COL25A1: variants seen among roughly 807,000 people sequenced by gnomAD.
The protein encoded by COL25A1 is collagen alpha-1(XXV) chain.
COL25A1 carries 103 observed loss-of-function variants against 128.4 expected under a neutral mutation model. The ratio of observed to expected loss-of-function variants is 0.80; its 90% CI spans 0.68 to 0.94. COL25A1 has a LOEUF of 0.94. COL25A1 is among the 40% of genes least tolerant of loss of function. COL25A1 has a pLI of 0.00. For missense variants in COL25A1, 745 were observed against 840.0 expected, an observed-to-expected ratio of 0.89 and a Z score of 1.40; for synonymous variants, 279 against 277.2, an observed-to-expected ratio of 1.01 and a Z score of -0.06.
In COL25A1 at chr4:109,198,294, TCACACA is replaced by T. The variant is rs112993547; in HGVS notation, c.367+102283_367+102288del. Among the ~76,000 whole-genome samples the T allele has an allele frequency of 3.0e-4, 43 of 144,048 alleles. No homozygotes were observed. The Middle Eastern group carries it at 0.01, about 35-fold the overall frequency. 94.5% of individuals were successfully genotyped at this position (144,048 alleles called of 152,430 possible). A position where few individuals can be genotyped will look rare whatever the true frequency, so the allele number is the denominator to read the frequency against. ...ACCACATCAGACTCTGCATATTCAT[TCACACA>T]CACACACACACACACACACACACAC... On this transcript the variant is annotated intron_variant, in intron 3 of 37. Coordinates refer to ENST00000399132, the MANE Select transcript of COL25A1 (RefSeq NM_198721.4).
intron 21 of COL25A1, 42 bp from the exon 22 acceptor site, chr4:108,862,587 G>T: frequency 6.6e-7 from 1 of 1,517,704 alleles, no homozygotes; most frequent in Middle Eastern, 1.7e-4. Flanking sequence ...TAAAATTATA[G>T]AAGAGATAAG....
At chr4:108,910,121 G>C (rs1301677255) in intron 13 of COL25A1, among the ~76,000 whole-genome samples, 1 of 152,072 alleles carries the variant, frequency 6.6e-6, no homozygotes, top group African/African-American at 2.4e-5. Flanking sequence ...ATGTGTCCTT[G>C]AAAATATATC....
chr4:108,907,362 C>A (rs1560840639), intron 13 of COL25A1, among the ~76,000 whole-genome samples: 1 of 152,204 alleles, frequency 6.6e-6, no homozygotes, highest in Admixed American at 6.5e-5. Flanking sequence ...TACTGCTCAT[C>A]TCTTCTGTCT....
intron 3 of COL25A1, among the ~76,000 whole-genome samples, chr4:109,200,865 T>C (rs1776506760): frequency 6.6e-6 from 1 of 152,098 alleles, no homozygotes; most frequent in Non-Finnish European, 1.5e-5. Flanking sequence ...TCCCCAATAA[T>C]CTCATTCACT....
chr4:109,181,571 T>A (rs1461556480), intron 3 of COL25A1, among the ~76,000 whole-genome samples: 1 of 152,072 alleles, frequency 6.6e-6, no homozygotes, highest in African/African-American at 2.4e-5. Flanking sequence ...GTTTTTAAAT[T>A]TTTCAAATTG....
In COL25A1 at chr4:109,032,321, A is replaced by G. The variant is rs796467705; in HGVS notation, c.420+15847T>C. ...TGACTCTTTAAAAATTCATTCTTAT[A>G]TGAATTTTTATTCAACCTACATTTA... On this transcript the variant is annotated intron_variant, in intron 5 of 37. Coordinates refer to ENST00000399132, the MANE Select transcript of COL25A1 (RefSeq NM_198721.4). Among the ~76,000 whole-genome samples, 4 of 152,294 alleles carry G rather than the reference A, an allele frequency of 2.6e-5. 1 individual carries two copies. The highest frequency in any genetic ancestry group is 9.6e-5 in the African/African-American group (4 of 41,560).
intron 6 of COL25A1, among the ~76,000 whole-genome samples, chr4:109,006,222 TG>T (rs962822538): frequency 1.1e-4 from 15 of 131,524 alleles, no homozygotes; most frequent in Non-Finnish European, 1.9e-4. Context: ...TCTAATTTTG[TG>T]GGGGGGTGGC....
chr4:108,909,510 G>A (rs1743954830), intron 13 of COL25A1, among the ~76,000 whole-genome samples: 1 of 152,158 alleles, frequency 6.6e-6, no homozygotes, highest in Non-Finnish European at 1.5e-5. Flanking sequence ...CATGTTAGTT[G>A]TATCAATAAT....
At chr4:109,072,445 T>C (rs1011433130) in intron 3 of COL25A1, among the ~76,000 whole-genome samples, 2 of 152,218 alleles carry the variant, frequency 1.3e-5, no homozygotes, top group African/African-American at 2.4e-5. Flanking sequence ...ATCTGTTATT[T>C]TGAAATTTGG....
chr4:109,070,898 G>A (rs1032516266), intron 3 of COL25A1, among the ~76,000 whole-genome samples: 2 of 152,002 alleles, frequency 1.3e-5, no homozygotes, highest in African/African-American at 4.8e-5. Flanking sequence ...GTATTCCATG[G>A]TGTATATGTG....
At chr4:108,842,731 T>C (rs573868819) in intron 30 of COL25A1, among the ~76,000 whole-genome samples, 2 of 152,220 alleles carry the variant, frequency 1.3e-5, no homozygotes, top group Non-Finnish European at 2.9e-5. Context: ...ATTAATTTTA[T>C]GATATGAACA....
chr4:108,928,385 C>G (rs950688907), intron 11 of COL25A1, among the ~76,000 whole-genome samples: 7 of 152,142 alleles, frequency 4.6e-5, no homozygotes, highest in Non-Finnish European at 8.8e-5. Context: ...ACAGAACTTT[C>G]TTTAATGACA....
chr4:109,269,032 C>T (rs1418451674), intron 3 of COL25A1, among the ~76,000 whole-genome samples: 25 of 151,142 alleles, frequency 1.7e-4, no homozygotes, highest in African/African-American at 6.1e-4. Context: ...GCTGCACCCA[C>T]TAACTCGTCA....
At chr4:109,031,550 G>C (rs779550145) in intron 5 of COL25A1, among the ~76,000 whole-genome samples, 2 of 152,202 alleles carry the variant, frequency 1.3e-5, no homozygotes, top group Non-Finnish European at 2.9e-5. Flanking sequence ...TAAGCTGAGT[G>C]CTGCTGAAAT....
intron 19 of COL25A1, among the ~76,000 whole-genome samples, chr4:108,882,582 TTG>T (rs377671759): frequency 3.3e-5 from 5 of 151,312 alleles, no homozygotes; most frequent in Non-Finnish European, 5.9e-5. Flanking sequence ...AAAGCCATCT[TTG>T]TGTGTGTGTG....
intron 3 of COL25A1, among the ~76,000 whole-genome samples, chr4:109,135,045 A>C (rs1404065447): frequency 7.4e-6 from 1 of 135,694 alleles, no homozygotes; most frequent in African/African-American, 2.9e-5. Flanking sequence ...AAAAAAAAAA[A>C]ACCAAGAGAA....
Position 108,991,757 on chromosome 4 carries a change from G to A in COL25A1, c.439-17198C>T, listed in dbSNP as rs982229170. On this transcript the variant is annotated intron_variant, in intron 6 of 37. Coordinates refer to ENST00000399132, the MANE Select transcript of COL25A1 (RefSeq NM_198721.4). Reference sequence around the variant, plus strand: ...TCCCCGCCCCCAAGTCAGGCTATATGATCTGAAAAAGGCTGGATTGGAACA... The same window carrying A: ...TCCCCGCCCCCAAGTCAGGCTATATAATCTGAAAAAGGCTGGATTGGAACA... Among the ~76,000 whole-genome samples the A allele has an allele frequency of 5.3e-5, 8 of 152,222 alleles. No individual in the cohort carries two copies. In the South Asian group the frequency reaches 1.7e-3, roughly 32 times the overall value.
chr4:109,209,693 G>A (rs905841870), intron 3 of COL25A1, among the ~76,000 whole-genome samples: 2 of 151,998 alleles, frequency 1.3e-5, no homozygotes, highest in Non-Finnish European at 2.9e-5. Context: ...TCACAGAAAG[G>A]AGTATATAAT....
chr4:109,210,463 T>C (rs1195863670), intron 3 of COL25A1, among the ~76,000 whole-genome samples: 2 of 152,196 alleles, frequency 1.3e-5, no homozygotes, highest in African/African-American at 2.4e-5. Context: ...GCAGTCTACC[T>C]GTAAGATACC....
Sources: gnomAD v4.1 joint callset for allele counts (sites outside exome capture counted in the v4.1 genomes callset) on GRCh38, gnomAD v4.1.1 for gene constraint, MANE v1.5 for transcripts, NCBI Gene and HGNC (gene_info 2026-07-23, HGNC 2026-07-21) for gene names.